Variants in ADGRB3 observed in about 807,000 individuals in gnomAD.
ADGRB3 encodes adhesion G protein-coupled receptor B3, also known as brain-specific angiogenesis inhibitor 3.
In ADGRB3, 37 loss-of-function variants were observed where a neutral mutation model predicts 193.4. The observed-to-expected ratio is 0.19, with a 90% CI of 0.15 to 0.25. The LOEUF (loss-of-function observed/expected upper bound fraction) is 0.25, where lower values mean the gene tolerates loss of function less well. Ranked by LOEUF, ADGRB3 falls within the 10% of genes least tolerant of loss-of-function variation. ADGRB3 has a pLI of 1.00. For missense variants in ADGRB3, 1,637 were observed against 1,852.9 expected, an observed-to-expected ratio of 0.88 and a Z score of 2.14; for synonymous variants, 690 against 644.2, an observed-to-expected ratio of 1.07 and a Z score of -1.08.
chr6:68,669,405 C>A (rs1270366334), intron 3 of ADGRB3, among the ~76,000 whole-genome samples: 1 of 150,666 alleles, frequency 6.6e-6, no homozygotes, highest in South Asian at 2.1e-4. Context: ...CTACCCTTCC[C>A]TGCCTCTGGT....
chr6:69,029,258 A>C (rs1367876454), intron 13 of ADGRB3, among the ~76,000 whole-genome samples: 1 of 152,162 alleles, frequency 6.6e-6, no homozygotes, highest in African/African-American at 2.4e-5. Context: ...AATATTCTTC[A>C]TATGTATCCA....
chr6:68,877,498 TCCATCATTTGCATGG>T (rs1765626175), intron 3 of ADGRB3, among the ~76,000 whole-genome samples: 3 of 152,090 alleles, frequency 2.0e-5, no homozygotes, highest in Admixed American at 6.5e-5. Context: ...TTATAAAAAG[TCCATCATTTGCATGG>T]CCATTTGTTC....
At chr6:69,366,350 T>C (rs1769567529) in intron 29 of ADGRB3, among the ~76,000 whole-genome samples, 1 of 152,092 alleles carries the variant, frequency 6.6e-6, no homozygotes, top group Non-Finnish European at 1.5e-5. Flanking sequence ...TGCAAGTAGG[T>C]TTATTGGTCA....
At chr6:69,113,025 TG>T (rs1561922630) in intron 17 of ADGRB3, among the ~76,000 whole-genome samples, 1 of 152,192 alleles carries the variant, frequency 6.6e-6, no homozygotes, top group Non-Finnish European at 1.5e-5. Flanking sequence ...CCCAAAGTGC[TG>T]GGATTACAGG....
chr6:68,924,074 A>C (rs1767115809), intron 3 of ADGRB3, among the ~76,000 whole-genome samples: 1 of 152,124 alleles, frequency 6.6e-6, no homozygotes, highest in Non-Finnish European at 1.5e-5. Context: ...TACTGAAAGT[A>C]GAATTGTATT....
intron 3 of ADGRB3, among the ~76,000 whole-genome samples, chr6:68,911,223 A>T (rs1248213195): frequency 5.0e-4 from 72 of 142,902 alleles, no homozygotes; most frequent in African/African-American, 1.9e-3. Context: ...ACAATGGGAA[A>T]ACATGGACAC....
chr6:69,027,416 C>T (rs1021157282), intron 13 of ADGRB3, among the ~76,000 whole-genome samples: 3 of 152,032 alleles, frequency 2.0e-5, no homozygotes, highest in African/African-American at 4.8e-5. Context: ...GAGGGACTTG[C>T]CTGAGGCTGT....
intron 3 of ADGRB3, among the ~76,000 whole-genome samples, chr6:68,883,476 T>G (rs762331688): frequency 2.6e-5 from 4 of 152,208 alleles, no homozygotes; most frequent in Non-Finnish European, 4.4e-5. Flanking sequence ...TAAATCTTGT[T>G]GCTTCTCGCT....
At chr6:69,191,379 G>A (rs1268231665) in intron 17 of ADGRB3, among the ~76,000 whole-genome samples, 3 of 151,798 alleles carry the variant, frequency 2.0e-5, no homozygotes, top group African/African-American at 4.8e-5. Flanking sequence ...ATTTATTTTG[G>A]CAAACACACC....
At chr6:69,016,145 A>G (rs1299331516) in intron 12 of ADGRB3, among the ~76,000 whole-genome samples, 1 of 151,992 alleles carries the variant, frequency 6.6e-6, no homozygotes, top group African/African-American at 2.4e-5. Context: ...CATTTACAAT[A>G]GAGACTTCAT....
At chr6:68,750,921 T>A (rs1163505347) in intron 3 of ADGRB3, among the ~76,000 whole-genome samples, 2 of 152,232 alleles carry the variant, frequency 1.3e-5, no homozygotes, top group Non-Finnish European at 2.9e-5. Flanking sequence ...TTCCTATGTA[T>A]ATCTGGGAGT....
chr6:69,123,490 C>T (rs1773774308), intron 17 of ADGRB3, among the ~76,000 whole-genome samples: 1 of 152,150 alleles, frequency 6.6e-6, no homozygotes, highest in Non-Finnish European at 1.5e-5. Context: ...GTGAACTAAA[C>T]AAGCAAGCAT....
intron 3 of ADGRB3, among the ~76,000 whole-genome samples, chr6:68,865,081 C>G (rs1454418379): frequency 1.3e-5 from 2 of 152,098 alleles, no homozygotes; most frequent in African/African-American, 4.8e-5. Context: ...ATCTCTGGTT[C>G]TAGCTTCCTC....
At chr6:68,763,582 A>T (rs1766453926) in intron 3 of ADGRB3, among the ~76,000 whole-genome samples, 1 of 152,186 alleles carries the variant, frequency 6.6e-6, no homozygotes, top group Non-Finnish European at 1.5e-5. Context: ...ATGATAAGGG[A>T]TGCACATTTT....
At chr6:69,030,966 C>CTTTTCTTTTCTT (rs1770633583) in intron 13 of ADGRB3, among the ~76,000 whole-genome samples, 1 of 123,712 alleles carries the variant, frequency 8.1e-6, no homozygotes, top group African/African-American at 3.4e-5. Flanking sequence ...TTTTTCTTTT[C>CTTTTCTTTTCTT]TTTTCTTTTC....
chr6:69,053,673 C>T (rs1288536967), intron 15 of ADGRB3, among the ~76,000 whole-genome samples: 1 of 152,206 alleles, frequency 6.6e-6, no homozygotes, highest in Non-Finnish European at 1.5e-5. Flanking sequence ...TATTGACACA[C>T]AGACCACATT....
chr6:68,844,765 C>T (rs1341065285), intron 3 of ADGRB3, among the ~76,000 whole-genome samples: 3 of 152,012 alleles, frequency 2.0e-5, no homozygotes, highest in African/African-American at 7.2e-5. Flanking sequence ...GGTACATGCA[C>T]AAAATGGAGT....
intron 3 of ADGRB3, among the ~76,000 whole-genome samples, chr6:68,823,796 C>A (rs138001850): frequency 1.5e-4 from 23 of 152,182 alleles, no homozygotes; most frequent in African/African-American, 5.1e-4. Flanking sequence ...TTGCTTCTTG[C>A]ATAAAAATTC....
At chr6:68,768,932 A>G (rs1766564495) in intron 3 of ADGRB3, among the ~76,000 whole-genome samples, 1 of 152,018 alleles carries the variant, frequency 6.6e-6, no homozygotes, top group Admixed American at 6.6e-5. Flanking sequence ...CAAACATACG[A>G]AAAAAAAGCT....
Sources: gnomAD v4.1 joint callset for allele counts (sites outside exome capture counted in the v4.1 genomes callset) on GRCh38, gnomAD v4.1.1 for gene constraint, MANE v1.5 for transcripts, NCBI Gene and HGNC (gene_info 2026-07-23, HGNC 2026-07-21) for gene names.